ADGRB3: variants seen among roughly 807,000 people sequenced by gnomAD.
The protein encoded by ADGRB3 is adhesion G protein-coupled receptor B3, also known as brain-specific angiogenesis inhibitor 3.
A neutral mutation model predicts 193.4 loss-of-function variants in ADGRB3; 37 were observed. That is an observed-to-expected ratio of 0.19 (90% confidence interval 0.15 to 0.25). The LOEUF (loss-of-function observed/expected upper bound fraction) is 0.25. Ranked by LOEUF, ADGRB3 falls within the 10% of genes least tolerant of loss-of-function variation. The pLI is 1.00. For synonymous variants in ADGRB3, 690 were observed against 644.2 expected (o/e 1.07, Z -1.08); for missense variants, 1,637 against 1,852.9 (o/e 0.88, Z 2.14).
intron 20 of ADGRB3, among the ~76,000 whole-genome samples, chr6:69,322,268 G>T (rs1768473324): frequency 6.6e-6 from 1 of 151,828 alleles, no homozygotes; most frequent in South Asian, 2.1e-4. Context: ...GGGCATTTGG[G>T]TTGATTCCGT....
chr6:68,764,492 C>T (rs1353253274), intron 3 of ADGRB3, among the ~76,000 whole-genome samples: 4 of 152,022 alleles, frequency 2.6e-5, no homozygotes, highest in Non-Finnish European at 5.9e-5. Context: ...TCAGACTGCT[C>T]GAGCAGACTC....
At chr6:68,854,371 C>T (rs1425909545) in intron 3 of ADGRB3, among the ~76,000 whole-genome samples, 1 of 151,846 alleles carries the variant, frequency 6.6e-6, no homozygotes, top group Non-Finnish European at 1.5e-5. Flanking sequence ...TAGAGAAATG[C>T]TAAGAAGGTG....
intron 20 of ADGRB3, among the ~76,000 whole-genome samples, chr6:69,290,995 C>G (rs191295146): frequency 3.9e-5 from 6 of 152,112 alleles, no homozygotes; most frequent in Admixed American, 3.9e-4. Context: ...TTAGTCATAT[C>G]TGATTATATA....
At chr6:69,246,821 C>T (rs908510909) in intron 20 of ADGRB3, among the ~76,000 whole-genome samples, 4 of 152,098 alleles carry the variant, frequency 2.6e-5, no homozygotes, top group African/African-American at 4.8e-5. Flanking sequence ...ACTTCAAAGC[C>T]GATCAAAACT....
chr6:69,023,903 G>A (rs1770345638), intron 13 of ADGRB3, among the ~76,000 whole-genome samples: 1 of 152,132 alleles, frequency 6.6e-6, no homozygotes, highest in Non-Finnish European at 1.5e-5. Flanking sequence ...GTGAGAGATA[G>A]TGGAGGGATT....
chr6:69,031,098 T>C, intron 13 of ADGRB3, among the ~76,000 whole-genome samples: 1 of 78,150 alleles, frequency 1.3e-5, no homozygotes, highest in African/African-American at 4.8e-5. Flanking sequence ...TCTCTTCTCT[T>C]CTCTTCTCTT....
intron 15 of ADGRB3, among the ~76,000 whole-genome samples, chr6:69,060,789 A>T (rs1346416361): frequency 1.3e-5 from 2 of 152,026 alleles, no homozygotes; most frequent in Admixed American, 6.6e-5. Context: ...TCTCTGGGAG[A>T]AATGTTCATA....
intron 3 of ADGRB3, among the ~76,000 whole-genome samples, chr6:68,914,133 A>G (rs1766806209): frequency 6.6e-6 from 1 of 151,868 alleles, no homozygotes. Context: ...GATATTATCC[A>G]GGAGAACTTC....
At chr6:69,057,789 G>A (rs1008578208) in intron 15 of ADGRB3, among the ~76,000 whole-genome samples, 1 of 151,882 alleles carries the variant, frequency 6.6e-6, no homozygotes, top group Non-Finnish European at 1.5e-5. Flanking sequence ...ATCTCTCTTG[G>A]TCATGATATA....
At chr6:69,011,437 C>A (rs541669309) in intron 11 of ADGRB3, among the ~76,000 whole-genome samples, 44 of 151,754 alleles carry the variant, frequency 2.9e-4, no homozygotes, top group African/African-American at 1.0e-3. Flanking sequence ...GGTACTCATG[C>A]ACATAAAAAT....
At chr6:69,321,405 A>C (rs1768453448) in intron 20 of ADGRB3, among the ~76,000 whole-genome samples, 1 of 151,886 alleles carries the variant, frequency 6.6e-6, no homozygotes. Context: ...TCACATTTGG[A>C]AAGGTGAACT....
At chr6:69,316,598 C>T (rs567866570) in intron 20 of ADGRB3, among the ~76,000 whole-genome samples, 1 of 151,552 alleles carries the variant, frequency 6.6e-6, no homozygotes, top group East Asian at 1.9e-4. Context: ...TAATAAAACT[C>T]CCATAATTTG....
At chr6:69,165,964 A>G (rs756171935) in intron 17 of ADGRB3, among the ~76,000 whole-genome samples, 5 of 152,138 alleles carry the variant, frequency 3.3e-5, no homozygotes, top group Non-Finnish European at 7.4e-5. Context: ...ATTGAAATGC[A>G]GTATTATAAT....
intron 20 of ADGRB3, among the ~76,000 whole-genome samples, chr6:69,247,009 C>T (rs955458194): frequency 1.3e-5 from 2 of 152,296 alleles, no homozygotes; most frequent in East Asian, 3.9e-4. Context: ...ATCAATTCTA[C>T]TCTCCATCCC....
intron 29 of ADGRB3, among the ~76,000 whole-genome samples, chr6:69,362,288 C>T (rs540099940): frequency 1.2e-3 from 180 of 151,942 alleles, no homozygotes; most frequent in Non-Finnish European, 2.4e-3. Flanking sequence ...CGATGCAATA[C>T]ATGCATACTT....
At position 68,944,125 on chromosome 6, in the gene ADGRB3, T is replaced by C. The variant is rs1430204792; in HGVS notation, c.1195+131T>C. 1.0e-5 allele frequency: 10 copies of C among 965,152 alleles called. No individual in the cohort carries two copies. In the East Asian group the frequency reaches 2.5e-4, roughly 24 times the overall value. 59.8% of individuals were successfully genotyped at this position (965,152 alleles called of 1,614,324 possible). On this transcript the variant is annotated intron_variant, in intron 6 of 31. Transcript: ENST00000370598. The stretch of plus-strand genomic sequence containing the variant: ...GAAATGTGTCCTTTTCATTGTATCT[T>C]GCCTAAAACTGGGTACTTTTCTTGA...
intron 17 of ADGRB3, among the ~76,000 whole-genome samples, chr6:69,102,518 A>T (rs1773092279): frequency 6.6e-6 from 1 of 152,188 alleles, no homozygotes; most frequent in African/African-American, 2.4e-5. Flanking sequence ...AATACATGGC[A>T]TTAGGGATCA....
At chr6:68,997,861 C>T (rs767812079) in intron 11 of ADGRB3, among the ~76,000 whole-genome samples, 6 of 151,894 alleles carry the variant, frequency 4.0e-5, no homozygotes, top group Non-Finnish European at 7.4e-5. Flanking sequence ...TTCTAAATAC[C>T]ACTAAGACAC....
chr6:69,290,709 A>G (rs1262657584), intron 20 of ADGRB3, among the ~76,000 whole-genome samples: 1 of 152,210 alleles, frequency 6.6e-6, no homozygotes, highest in Non-Finnish European at 1.5e-5. Context: ...AAATAAGTAA[A>G]TACATTTTAC....
Sources: gnomAD v4.1 joint callset for allele counts (sites outside exome capture counted in the v4.1 genomes callset) on GRCh38, gnomAD v4.1.1 for gene constraint, MANE v1.5 for transcripts, NCBI Gene and HGNC (gene_info 2026-07-23, HGNC 2026-07-21) for gene names.